Variants in KCNIP4 observed in about 807,000 individuals in gnomAD.
KCNIP4 encodes potassium voltage-gated channel interacting protein 4.
Under a neutral mutation model 34.0 loss-of-function variants are expected in KCNIP4, and 12 were observed. That is an observed-to-expected ratio of 0.35 (90% CI 0.23 to 0.57). The LOEUF is 0.57. Among genes scored for constraint, KCNIP4 ranks in the 20% least tolerant of loss-of-function variants. KCNIP4 has a pLI of 0.83. For synonymous variants in KCNIP4, 124 were observed against 102.2 expected, an observed-to-expected ratio of 1.21 and a Z score of -1.29; for missense variants, 238 against 311.7, an observed-to-expected ratio of 0.76 and a Z score of 1.78.
At chr4:21,044,091 C>T (rs539106178) in intron 1 of KCNIP4, among the ~76,000 whole-genome samples, 1 of 152,098 alleles carries the variant, frequency 6.6e-6, no homozygotes, top group East Asian at 1.9e-4. Context: ...TGGCCCCACT[C>T]ACTGCTGGAC....
intron 1 of KCNIP4, among the ~76,000 whole-genome samples, chr4:21,065,056 G>A (rs891851418): frequency 5.3e-5 from 8 of 152,266 alleles, no homozygotes; most frequent in African/African-American, 1.7e-4. Flanking sequence ...ATGTACAAGT[G>A]TCCACTCTGT....
At chr4:21,266,942 G>C (rs538323147) in intron 1 of KCNIP4, among the ~76,000 whole-genome samples, 1 of 152,312 alleles carries the variant, frequency 6.6e-6, no homozygotes, top group East Asian at 1.9e-4. Context: ...AACGTGGTTA[G>C]CTAAGGTCTT....
rs1262363824 is a variant in KCNIP4 at position 20,804,936 on chromosome 4, G to C, written c.288+45607C>G. On this transcript the variant is annotated intron_variant, in intron 3 of 8. Coordinates refer to ENST00000382152, the MANE Select transcript of KCNIP4 (RefSeq NM_025221.6). ...GGTAAATCTAACTGACACAATTCTA[G>C]AGCCTCATAAATGAACAGTTTCTTC... is the stretch of plus-strand genomic sequence containing the variant. Among the ~76,000 whole-genome samples, 3 of 152,074 alleles carry C rather than the reference G, an allele frequency of 2.0e-5. No individual in the cohort carries two copies. In the East Asian group the frequency reaches 5.8e-4, roughly 29 times the overall value.
chr4:20,769,431 C>G (rs1755683005), intron 3 of KCNIP4, among the ~76,000 whole-genome samples: 1 of 152,022 alleles, frequency 6.6e-6, no homozygotes, highest in Non-Finnish European at 1.5e-5. Context: ...ATTTTCCCAA[C>G]TTTATCCAGA....
chr4:20,964,565 T>G (rs1384877742), intron 1 of KCNIP4, among the ~76,000 whole-genome samples: 1 of 152,162 alleles, frequency 6.6e-6, no homozygotes, highest in Non-Finnish European at 1.5e-5. Context: ...TTCATCCACT[T>G]TTCTGATGAT....
intron 1 of KCNIP4, among the ~76,000 whole-genome samples, chr4:21,124,312 G>A (rs7687191): frequency 0.68 from 103,674 of 151,936 alleles, 35,924 homozygotes; most frequent in African/African-American, 0.79. Context: ...ATCCCCTGAT[G>A]GTGTCTCAGA....
intron 1 of KCNIP4, among the ~76,000 whole-genome samples, chr4:21,281,004 G>A (rs918077133): frequency 6.6e-6 from 1 of 151,584 alleles, no homozygotes; most frequent in Non-Finnish European, 1.5e-5. Context: ...CAGCTATCAC[G>A]TCCTCAATTC....
chr4:20,882,576 G>T, intron 2 of KCNIP4, 32 bp downstream of exon 2: 1 of 1,462,160 alleles, frequency 6.8e-7, no homozygotes. Flanking sequence ...AAGAGTTTCG[G>T]AGGAAAAAAA....
chr4:20,860,677 C>T (rs1722103376), intron 2 of KCNIP4, among the ~76,000 whole-genome samples: 1 of 152,080 alleles, frequency 6.6e-6, no homozygotes, highest in South Asian at 2.1e-4. Flanking sequence ...ATCCATATGG[C>T]AATAACATAA....
intron 1 of KCNIP4, among the ~76,000 whole-genome samples, chr4:21,155,200 G>C (rs1444200335): frequency 6.6e-6 from 1 of 152,072 alleles, no homozygotes; most frequent in African/African-American, 2.4e-5. Context: ...CGTACCTCCA[G>C]ACTTCCTTTA....
chr4:21,135,824 A>C (rs1751456742), intron 1 of KCNIP4, among the ~76,000 whole-genome samples: 1 of 152,252 alleles, frequency 6.6e-6, no homozygotes. Context: ...GCTCTTGAAT[A>C]TCCTTGAGCT....
At chr4:21,181,898 T>C (rs985595422) in intron 1 of KCNIP4, among the ~76,000 whole-genome samples, 3 of 152,136 alleles carry the variant, frequency 2.0e-5, no homozygotes, top group Non-Finnish European at 4.4e-5. Flanking sequence ...ACTGGTACAA[T>C]AGTGCCCTTG....
At chr4:21,253,262 C>A (rs972167593) in intron 1 of KCNIP4, among the ~76,000 whole-genome samples, 2 of 152,136 alleles carry the variant, frequency 1.3e-5, no homozygotes, top group African/African-American at 4.8e-5. Flanking sequence ...GTCTCTGAGG[C>A]TCATTTTTGG....
At chr4:20,947,093 C>T (rs1038100557) in intron 1 of KCNIP4, among the ~76,000 whole-genome samples, 2 of 152,166 alleles carry the variant, frequency 1.3e-5, no homozygotes, top group African/African-American at 4.8e-5. Context: ...GGGATCAGTG[C>T]AAAGTCTGTT....
chr4:21,178,152 T>A (rs540650434), intron 1 of KCNIP4, among the ~76,000 whole-genome samples: 32 of 152,154 alleles, frequency 2.1e-4, no homozygotes, highest in Admixed American at 5.9e-4. Flanking sequence ...TTTAATTATC[T>A]GCCTTAGAAA....
At chr4:21,452,875 A>G (rs1366486100) in intron 1 of KCNIP4, among the ~76,000 whole-genome samples, 1 of 145,800 alleles carries the variant, frequency 6.9e-6, no homozygotes, top group Non-Finnish European at 1.5e-5. Context: ...TAAAGGCTGT[A>G]TGCCTTAATA....
intron 1 of KCNIP4, among the ~76,000 whole-genome samples, chr4:21,133,999 T>A (rs1293939992): frequency 2.0e-5 from 3 of 152,210 alleles, no homozygotes; most frequent in Non-Finnish European, 4.4e-5. Context: ...CCCCAGTTGC[T>A]TGGACACTAG....
At chr4:21,109,077 G>A (rs1260753350) in intron 1 of KCNIP4, among the ~76,000 whole-genome samples, 1 of 152,152 alleles carries the variant, frequency 6.6e-6, no homozygotes. Context: ...GAGGCAGTCT[G>A]CCCGTTCTCA....
chr4:20,770,709 G>A (rs1191454285), intron 3 of KCNIP4, among the ~76,000 whole-genome samples: 1 of 152,104 alleles, frequency 6.6e-6, no homozygotes, highest in African/African-American at 2.4e-5. Context: ...TGAAGTGGGC[G>A]GATCACCTGA....
Sources: allele counts gnomAD v4.1 joint callset (sites outside exome capture counted in the v4.1 genomes callset), GRCh38; gene constraint gnomAD v4.1.1; transcripts MANE v1.5; gene names NCBI Gene and HGNC (gene_info 2026-07-23, HGNC 2026-07-21).